Variants in ACAP2 observed in about 807,000 individuals in gnomAD.
ACAP2 encodes arf-GAP with coiled-coil, ANK repeat and PH domain-containing protein 2.
A neutral mutation model predicts 115.8 loss-of-function variants in ACAP2; 39 were observed. That is an observed-to-expected ratio of 0.34 (90% CI 0.26 to 0.44). The LOEUF (loss-of-function observed/expected upper bound fraction) is 0.44, where lower values mean the gene tolerates loss of function less well. Among genes scored for constraint, ACAP2 ranks in the 20% least tolerant of loss-of-function variants. The pLI is 1.00. For synonymous variants in ACAP2, 289 were observed against 315.8 expected, an observed-to-expected ratio of 0.92 and a Z score of 0.90; for missense variants, 662 against 927.6, an observed-to-expected ratio of 0.71 and a Z score of 3.72.
chr3:195,378,697 C>T (rs1050954179), intron 4 of ACAP2, among the ~76,000 whole-genome samples: 1 of 151,800 alleles, frequency 6.6e-6, no homozygotes, highest in African/African-American at 2.4e-5. Flanking sequence ...CCCATCTCTA[C>T]TAAAAATACA....
intron 2 of ACAP2, among the ~76,000 whole-genome samples, chr3:195,390,616 C>A (rs941693996): frequency 6.6e-6 from 1 of 152,102 alleles, no homozygotes; most frequent in African/African-American, 2.4e-5. Context: ...CACCTGGAAT[C>A]CGGTTACAAA....
chr3:195,396,385 A>G (rs1456297271), intron 1 of ACAP2, among the ~76,000 whole-genome samples: 2 of 152,216 alleles, frequency 1.3e-5, no homozygotes, highest in African/African-American at 4.8e-5. Context: ...TCTTGTAGCA[A>G]TAAACTTTCT....
At position 195,292,290 on chromosome 3, in the gene ACAP2, G is replaced by T; in HGVS notation, c.1928C>A (p.Thr643Lys). The T allele has an allele frequency of 1.3e-6, 2 of 1,598,466 alleles. No individual in the cohort carries two copies. The highest frequency in any genetic ancestry group is 1.7e-6 in the Non-Finnish European group (2 of 1,176,202). The change falls in exon 19 of 23, where the codon ACA becomes AAA. Residue 643 changes from threonine (T) to lysine (K), a missense_variant. Physicochemically the swap from Thr to Lys is moderately conservative, Grantham distance 78. Coordinates refer to ENST00000326793, the MANE Select transcript of ACAP2 (RefSeq NM_012287.6). Reference sequence around the variant, plus strand: ...CCCTAATACAGCCTGAATAAGTGGTGTCGCTTTGTTTTCCTCTGAATTGGC... The same window carrying T: ...CCCTAATACAGCCTGAATAAGTGGTTTCGCTTTGTTTTCCTCTGAATTGGC... ...NWANSEENKA[T>K]PLIQAVLGGS... is the part of the protein sequence containing the mutation.
chr3:195,439,935 T>C (rs1362232196), intron 1 of ACAP2, among the ~76,000 whole-genome samples: 1 of 152,118 alleles, frequency 6.6e-6, no homozygotes, highest in African/African-American at 2.4e-5. Context: ...CCCAAGAGTA[T>C]GTTTAAGTAA....
At chr3:195,340,154 A>G (rs1730773497) in intron 6 of ACAP2, among the ~76,000 whole-genome samples, 1 of 151,254 alleles carries the variant, frequency 6.6e-6, no homozygotes, top group African/African-American at 2.4e-5. Flanking sequence ...AAACAGTAAG[A>G]CTTAGGGCTG....
intron 4 of ACAP2, among the ~76,000 whole-genome samples, chr3:195,366,273 T>C (rs1560291589): frequency 6.6e-6 from 1 of 152,250 alleles, no homozygotes; most frequent in Non-Finnish European, 1.5e-5. Flanking sequence ...TGCAATCTTG[T>C]TGAAGAAACA....
intron 1 of ACAP2, among the ~76,000 whole-genome samples, chr3:195,427,863 C>G (rs1714800192): frequency 6.6e-6 from 1 of 151,954 alleles, no homozygotes; most frequent in Non-Finnish European, 1.5e-5. Context: ...GACAAGATAA[C>G]ACCACTGCAC....
At position 195,409,879 on chromosome 3, in the gene ACAP2, CAAAAAAAAA is replaced by C. The variant is rs59779977; in HGVS notation, c.54-17741_54-17733del. The stretch of plus-strand genomic sequence containing the variant: ...TAACAGAGTGAGTGAGACTCCATCT[CAAAAAAAAA>C]AAAAAAAAAAAAAAAAAACAGAAAT... On this transcript the variant is annotated intron_variant, in intron 1 of 22. Transcript: ENST00000326793. Among the ~76,000 whole-genome samples the C allele has an allele frequency of 1.4e-4, 8 of 56,994 alleles. 1 individual carries two copies. Among genetic ancestry groups the C allele is most frequent in the South Asian group, 1.2e-3 (1 of 850 alleles). The allele number at this position is 56,994 out of a possible 152,430, so 37.4% of individuals were successfully genotyped here.
chr3:195,423,282 GC>G (rs1176747824), intron 1 of ACAP2, among the ~76,000 whole-genome samples: 1 of 152,030 alleles, frequency 6.6e-6, no homozygotes, highest in Non-Finnish European at 1.5e-5. Context: ...CTAGATGAAG[GC>G]TAGACAGATG....
intron 4 of ACAP2, among the ~76,000 whole-genome samples, chr3:195,370,192 T>A (rs150386250): frequency 6.6e-6 from 1 of 152,306 alleles, no homozygotes; most frequent in African/African-American, 2.4e-5. Context: ...TTTCTCCCAC[T>A]GTAGGTTGTC....
intron 1 of ACAP2, among the ~76,000 whole-genome samples, chr3:195,430,607 C>G (rs556934750): frequency 6.6e-6 from 1 of 152,002 alleles, no homozygotes; most frequent in Non-Finnish European, 1.5e-5. Context: ...CCCAGCTACT[C>G]GGGAGGCTGA....
At chr3:195,300,054 T>TTTTTTTTTC (rs1727943460) in intron 15 of ACAP2, among the ~76,000 whole-genome samples, 1 of 40,062 alleles carries the variant, frequency 2.5e-5, no homozygotes, top group Non-Finnish European at 7.1e-5. Context: ...CTTTTTTTTT[T>TTTTTTTTTC]TTTTTTTTTT....
chr3:195,300,055 T>C (rs111455029), intron 15 of ACAP2, among the ~76,000 whole-genome samples: 1 of 37,052 alleles, frequency 2.7e-5, no homozygotes, highest in Non-Finnish European at 8.6e-5. Context: ...TTTTTTTTTT[T>C]TTTTTTTTTG....
intron 10 of ACAP2, among the ~76,000 whole-genome samples, chr3:195,320,321 A>C (rs1052418545): frequency 1.3e-5 from 2 of 152,202 alleles, no homozygotes; most frequent in Non-Finnish European, 2.9e-5. Context: ...AAGAAAGCTC[A>C]CTTGTCCTAT....
intron 2 of ACAP2, among the ~76,000 whole-genome samples, chr3:195,389,031 A>T (rs6806763): frequency 1.3e-5 from 2 of 150,650 alleles, no homozygotes; most frequent in African/African-American, 4.9e-5. Flanking sequence ...TTCTTAAAAA[A>T]AAAATTAAAA....
intron 2 of ACAP2, among the ~76,000 whole-genome samples, chr3:195,389,875 T>C (rs1734543503): frequency 6.6e-6 from 1 of 152,224 alleles, no homozygotes; most frequent in South Asian, 2.1e-4. Flanking sequence ...AGTGCAGTGA[T>C]GCGCAAGAAG....
At chr3:195,326,591 A>C in intron 9 of ACAP2, 1 of 297,286 alleles carries the variant, frequency 3.4e-6, no homozygotes, top group South Asian at 4.3e-5. Flanking sequence ...GTAATTATGA[A>C]TAGTGTTTTG....
intron 11 of ACAP2, among the ~76,000 whole-genome samples, chr3:195,308,123 C>T (rs560609255): frequency 2.6e-5 from 4 of 152,198 alleles, no homozygotes; most frequent in Admixed American, 1.3e-4. Context: ...GGAAAACAAA[C>T]ATATAAAACG....
chr3:195,304,388 C>T (rs1013292368), intron 13 of ACAP2, among the ~76,000 whole-genome samples: 4 of 152,100 alleles, frequency 2.6e-5, no homozygotes, highest in South Asian at 2.1e-4. Flanking sequence ...GAACTAAGTA[C>T]ACAAACACAG....
Sources: allele counts gnomAD v4.1 joint callset (sites outside exome capture counted in the v4.1 genomes callset), GRCh38; gene constraint gnomAD v4.1.1; transcripts MANE v1.5; gene names NCBI Gene and HGNC (gene_info 2026-07-23, HGNC 2026-07-21).